ANO3: variants seen among roughly 807,000 people sequenced by gnomAD.
ANO3 encodes the protein anoctamin 3.
A neutral mutation model predicts 144.8 loss-of-function variants in ANO3; 99 were observed. That is an observed-to-expected ratio of 0.68 (90% CI 0.58 to 0.81). The LOEUF is 0.81. Among genes scored for constraint, ANO3 ranks in the 30% least tolerant of loss-of-function variants. ANO3 has a pLI of 0.00. For missense variants in ANO3, 905 were observed against 1,202.2 expected (o/e 0.75, Z 3.66); for synonymous variants, 414 against 392.6 (o/e 1.05, Z -0.64).
rs538282380 is a variant in ANO3 at position 26,372,138 on chromosome 11, T to A, written c.46+39817T>A. ...AGGGACTAGGTGGGAGGTAATTGAA[T>A]CATGAGGGTGGTTTTCCCCATGCTC... On this transcript the variant is annotated intron_variant, in intron 1 of 26. Transcript: ENST00000256737. Among the ~76,000 whole-genome samples the A allele has an allele frequency of 5.9e-5, 9 of 152,150 alleles. 1 individual carries two copies. In the South Asian group the frequency reaches 1.9e-3, roughly 32 times the overall value.
At chr11:26,230,850 T>C (rs1235025968) in intron 1 of ANO3, among the ~76,000 whole-genome samples, 2 of 145,052 alleles carry the variant, frequency 1.4e-5, no homozygotes, top group South Asian at 2.2e-4. Flanking sequence ...TTTATCTTTT[T>C]ACAAAAAGTT....
intron 13 of ANO3, among the ~76,000 whole-genome samples, chr11:26,557,615 TGC>T (rs1158611963): frequency 6.6e-6 from 1 of 152,206 alleles, no homozygotes; most frequent in African/African-American, 2.4e-5. Context: ...TCTGCTATGC[TGC>T]TTATGGAATT....
At chr11:26,200,706 T>C (rs1329053777) in intron 1 of ANO3, among the ~76,000 whole-genome samples, 4 of 152,258 alleles carry the variant, frequency 2.6e-5, no homozygotes, top group Middle Eastern at 3.4e-3. Flanking sequence ...ATGATATATC[T>C]TGGGGTTAGC....
At chr11:26,574,515 A>G (rs1056749774) in intron 14 of ANO3, among the ~76,000 whole-genome samples, 1 of 152,196 alleles carries the variant, frequency 6.6e-6, no homozygotes, top group Non-Finnish European at 1.5e-5. Context: ...CCATAGGGAC[A>G]TAGGTACTTT....
At chr11:26,564,732 C>CACACAT (rs1565108986) in intron 14 of ANO3, among the ~76,000 whole-genome samples, 3 of 25,416 alleles carry the variant, frequency 1.2e-4, no homozygotes, top group African/African-American at 4.1e-4. Flanking sequence ...CACACACACA[C>CACACAT]ATATATATAT....
rs1013979838 is a variant in ANO3 at position 26,451,539 on chromosome 11, G to A, written c.313+7703G>A. 1.2e-4 allele frequency among the ~76,000 whole-genome samples: 18 copies of A among 152,274 alleles called. No homozygotes were observed. The East Asian group carries it at 2.1e-3, about 18-fold the overall frequency. Reference sequence around the variant, plus strand: ...GCGGCAGCAAGGCTGGGGGAGGAGCGCCCGCCATTACTCAGGCTTGCTTAG... The same window carrying A: ...GCGGCAGCAAGGCTGGGGGAGGAGCACCCGCCATTACTCAGGCTTGCTTAG... On this transcript the variant is annotated intron_variant, in intron 3 of 26. Coordinates refer to ENST00000256737, the MANE Select transcript of ANO3 (RefSeq NM_031418.4).
At chr11:26,337,207 T>A (rs1855216583) in intron 1 of ANO3, among the ~76,000 whole-genome samples, 1 of 152,226 alleles carries the variant, frequency 6.6e-6, no homozygotes, top group Non-Finnish European at 1.5e-5. Context: ...ATCTTGCATA[T>A]ATACCTCAGA....
chr11:26,597,391 G>A (rs946680097), intron 14 of ANO3, among the ~76,000 whole-genome samples: 3 of 152,202 alleles, frequency 2.0e-5, no homozygotes. Flanking sequence ...GGATTAGGAC[G>A]AACCTGGGCA....
At chr11:26,316,623 T>G (rs541187344) in intron 1 of ANO3, among the ~76,000 whole-genome samples, 2 of 152,238 alleles carry the variant, frequency 1.3e-5, no homozygotes, top group African/African-American at 4.8e-5. Context: ...AGGGAGTATG[T>G]CTTAACCCTA....
At chr11:26,550,678 A>G (rs532879072) in intron 12 of ANO3, among the ~76,000 whole-genome samples, 5 of 151,984 alleles carry the variant, frequency 3.3e-5, no homozygotes, top group Admixed American at 6.6e-5. Flanking sequence ...CAGTCAATAA[A>G]CATTTGGATT....
intron 1 of ANO3, among the ~76,000 whole-genome samples, chr11:26,256,576 G>A (rs770663575): frequency 1.3e-5 from 2 of 151,924 alleles, no homozygotes; most frequent in Non-Finnish European, 2.9e-5. Context: ...TATTCTACAG[G>A]CAATATACTT....
intron 14 of ANO3, among the ~76,000 whole-genome samples, chr11:26,595,470 T>TTTG (rs1565130608): frequency 4.2e-5 from 6 of 144,170 alleles, no homozygotes; most frequent in Admixed American, 2.1e-4. Context: ...GTTTTTTTTT[T>TTTG]TTTTTTTTTT....
At chr11:26,608,850 C>T (rs1465725605) in intron 17 of ANO3, among the ~76,000 whole-genome samples, 3 of 152,148 alleles carry the variant, frequency 2.0e-5, no homozygotes, top group African/African-American at 7.2e-5. Context: ...GCCATCTTCC[C>T]CTGCCCAGGT....
At chr11:26,604,155 T>C (rs1333692089) in intron 17 of ANO3, among the ~76,000 whole-genome samples, 1 of 152,226 alleles carries the variant, frequency 6.6e-6, no homozygotes. Context: ...AACTCATTTA[T>C]TGATTTTTAA....
chr11:26,277,457 C>T (rs1243533685), intron 1 of ANO3, among the ~76,000 whole-genome samples: 1 of 151,988 alleles, frequency 6.6e-6, no homozygotes, highest in African/African-American at 2.4e-5. Context: ...TAAGTGGATC[C>T]TAATGGCAAT....
intron 4 of ANO3, among the ~76,000 whole-genome samples, chr11:26,504,795 G>A (rs1398100799): frequency 1.4e-4 from 3 of 20,710 alleles, no homozygotes; most frequent in East Asian, 3.8e-3. Context: ...AGGCCAAGGC[G>A]GGCAGATCAC....
At chr11:26,505,448 C>T (rs1861387322) in intron 4 of ANO3, among the ~76,000 whole-genome samples, 1 of 152,082 alleles carries the variant, frequency 6.6e-6, no homozygotes, top group South Asian at 2.1e-4. Flanking sequence ...TAGTGGTCAA[C>T]ATATAGATGG....
chr11:26,445,885 G>C (rs1858684405), intron 3 of ANO3, among the ~76,000 whole-genome samples: 1 of 151,990 alleles, frequency 6.6e-6, no homozygotes, highest in African/African-American at 2.4e-5. Context: ...AGGCTGGAGT[G>C]CAGTGGTGCG....
chr11:26,659,359 C>T (rs1028539296), intron 26 of ANO3, among the ~76,000 whole-genome samples: 6 of 142,156 alleles, frequency 4.2e-5, no homozygotes, highest in Non-Finnish European at 6.3e-5. Flanking sequence ...GAGTTTTATT[C>T]CTGCTTTTTT....
Sources: allele counts gnomAD v4.1 joint callset (sites outside exome capture counted in the v4.1 genomes callset), GRCh38; gene constraint gnomAD v4.1.1; transcripts MANE v1.5; gene names NCBI Gene and HGNC (gene_info 2026-07-23, HGNC 2026-07-21).